CD9: variants seen among roughly 807,000 people sequenced by gnomAD.
The protein encoded by CD9 is CD9 molecule.
CD9 carries 10 observed loss-of-function variants against 31.4 expected under a neutral mutation model. The ratio of observed to expected loss-of-function variants is 0.32; its 90% CI spans 0.20 to 0.54. The LOEUF is 0.54. Ranked by LOEUF, CD9 falls within the 20% of genes least tolerant of loss-of-function variation. The pLI is 0.94. For missense variants in CD9, 259 were observed against 300.1 expected, an observed-to-expected ratio of 0.86 and a Z score of 1.01; for synonymous variants, 113 against 114.1, an observed-to-expected ratio of 0.99 and a Z score of 0.06.
chr12:6,200,801 G>A (rs1946066334), intron 1 of CD9: 2 of 440,380 alleles, frequency 4.5e-6, no homozygotes, highest in Non-Finnish European at 8.0e-6. Flanking sequence ...GCCGGCGTGG[G>A]GAGCCGGGCC....
chr12:6,236,098 C>T, intron 6 of CD9, 94 bp from the exon 7 acceptor site: 1 of 1,561,214 alleles, frequency 6.4e-7, no homozygotes. Flanking sequence ...CTCTGCCCAC[C>T]AGTTCTCCCG....
chr12:6,205,354 C>A (rs566338452), intron 1 of CD9, among the ~76,000 whole-genome samples: 1 of 152,208 alleles, frequency 6.6e-6, no homozygotes, highest in Non-Finnish European at 1.5e-5. Context: ...ACGTTCTCTA[C>A]CCCCTTCTTT....
At chr12:6,237,564 C>T (rs1001466786) in intron 7 of CD9, among the ~76,000 whole-genome samples, 199 bp from the exon 8 acceptor site, 4 of 152,216 alleles carry the variant, frequency 2.6e-5, no homozygotes, top group East Asian at 1.9e-4. Flanking sequence ...GCCAACCCCC[C>T]CAGATTCCTC....
chr12:6,234,971 T>C (rs1946495768), intron 4 of CD9, among the ~76,000 whole-genome samples: 1 of 152,160 alleles, frequency 6.6e-6, no homozygotes, highest in Non-Finnish European at 1.5e-5. Flanking sequence ...CAAGTAGAGC[T>C]GAAGGACTGA....
At chr12:6,211,824 A>G (rs1179132203) in intron 1 of CD9, among the ~76,000 whole-genome samples, 1 of 152,196 alleles carries the variant, frequency 6.6e-6, no homozygotes, top group Admixed American at 6.5e-5. Flanking sequence ...GGCAGTGGAA[A>G]CTTGAAATGG....
intron 1 of CD9, among the ~76,000 whole-genome samples, chr12:6,203,205 GC>G (rs1946095059): frequency 6.6e-6 from 1 of 152,108 alleles, no homozygotes; most frequent in South Asian, 2.1e-4. Context: ...AGGTGATGCG[GC>G]AGGGTGGTCT....
At chr12:6,225,980 G>A (rs1357874764) in intron 2 of CD9, among the ~76,000 whole-genome samples, 1 of 152,176 alleles carries the variant, frequency 6.6e-6, no homozygotes, top group East Asian at 1.9e-4. Flanking sequence ...CTCTGAGACT[G>A]GGAAAAACAT....
chr12:6,222,880 T>A (rs1478369430), intron 1 of CD9, among the ~76,000 whole-genome samples: 3 of 152,206 alleles, frequency 2.0e-5, no homozygotes, highest in Non-Finnish European at 4.4e-5. Context: ...TTGGCAGACC[T>A]GGGATTGTTT....
intron 2 of CD9, 173 bp downstream of exon 2, chr12:6,225,707 C>A (rs1024881806): frequency 2.2e-5 from 13 of 589,208 alleles, no homozygotes; most frequent in Non-Finnish European, 3.6e-5. Context: ...TGTCGTTGTG[C>A]CTGGGAATTT....
At chr12:6,220,068 A>C (rs1946278713) in intron 1 of CD9, among the ~76,000 whole-genome samples, 1 of 152,174 alleles carries the variant, frequency 6.6e-6, no homozygotes, top group Non-Finnish European at 1.5e-5. Flanking sequence ...CCCCAGATAG[A>C]GGAAGGGCAG....
intron 7 of CD9, chr12:6,236,675 A>T: frequency 2.4e-6 from 1 of 411,764 alleles, no homozygotes; most frequent in East Asian, 3.5e-5. Flanking sequence ...GCATCTGAAC[A>T]TGGGCAGCCA....
intron 1 of CD9, 125 bp downstream of exon 1, chr12:6,200,690 G>A (rs376222852): frequency 1.7e-6 from 1 of 600,512 alleles, no homozygotes; most frequent in Admixed American, 3.2e-5. Context: ...CGGGCGGGAA[G>A]AGAGAGCGCC....
rs1946458535 is a variant in CD9, at chr12:6,232,478, T to C, written c.176-154T>C. 1 of 661,018 alleles carries C rather than the reference T, an allele frequency of 1.5e-6. No individual in the cohort carries two copies. The highest frequency in any genetic ancestry group is 1.8e-5 in the African/African-American group (1 of 56,056). The allele number at this position is 661,018 out of a possible 1,614,324, so 40.9% of individuals were successfully genotyped here. A position where few individuals can be genotyped will look rare whatever the true frequency, so the allele number is the denominator to read the frequency against. ...CTGGGGCAGAGGTGGAAGAGGAGGC[T>C]GTATTTTAAGGAAAGGGAACTTCTT... On this transcript the variant is annotated intron_variant, in intron 2 of 7. Coordinates refer to ENST00000009180, the MANE Select transcript of CD9 (RefSeq NM_001769.4). The surrounding 1 kb of genome is among the most constrained non-coding windows in gnomAD (Gnocchi z 4.8).
Position 6,232,015 on chromosome 12 carries a change from CAGGTATTGGACCTTTGCCAAG to C in CD9, c.176-612_176-592del, listed in dbSNP as rs1946452301. On this transcript the variant is annotated intron_variant, in intron 2 of 7. Coordinates refer to ENST00000009180, the MANE Select transcript of CD9 (RefSeq NM_001769.4). This position sits in a 1 kb window ranked among gnomAD's most constrained non-coding sequence, Gnocchi z 4.8. ...AGATCTGTGTCCTTTGCACTAGAGT[CAGGTATTGGACCTTTGCCAAG>C]AGGTGCCTTTGGGTGTTCCTAACTG... Among the ~76,000 whole-genome samples the C allele has an allele frequency of 6.6e-6, 1 of 152,178 alleles. No individual in the cohort carries two copies. Among genetic ancestry groups the C allele is most frequent in the Non-Finnish European group, 1.5e-5 (1 of 68,026 alleles).
At chr12:6,221,675 CTAT>C (rs1424964679) in intron 1 of CD9, among the ~76,000 whole-genome samples, 1 of 151,850 alleles carries the variant, frequency 6.6e-6, no homozygotes, top group Non-Finnish European at 1.5e-5. Flanking sequence ...TTAGTTTCTC[CTAT>C]TATTAAAGTA....
At chr12:6,227,760 T>TGGAAGA (rs1482670230) in intron 2 of CD9, among the ~76,000 whole-genome samples, 5 of 152,176 alleles carry the variant, frequency 3.3e-5, no homozygotes, top group African/African-American at 1.2e-4. Context: ...TCTGTAGGAA[T>TGGAAGA]GGAAGAGGTC....
intron 1 of CD9, chr12:6,206,041 C>A (rs1484748322): frequency 6.6e-6 from 1 of 151,940 alleles, no homozygotes; most frequent in Non-Finnish European, 1.5e-5. Context: ...ACCCCATACA[C>A]ACAGAAGAGC....
chr12:6,205,260 C>T (rs1946118415), intron 1 of CD9, among the ~76,000 whole-genome samples: 1 of 152,200 alleles, frequency 6.6e-6, no homozygotes, highest in Non-Finnish European at 1.5e-5. Context: ...TTGATGGTCT[C>T]TCCCCTACAC....
Position 6,235,500 on chromosome 12 carries a change from G to A in CD9, c.472G>A (p.Gly158Ser), listed in dbSNP as rs187333643. The change falls in exon 6 of 8, where the codon GGC becomes AGC. Residue 158 changes from glycine (G) to serine (S), a missense_variant. Transcript: ENST00000009180. Reference sequence around the variant, plus strand: ...GTTGAACTGCTGTGGTTTGGCTGGGGGCGTGGAACAGTTTATCTCAGACAT... The same window carrying A: ...GTTGAACTGCTGTGGTTTGGCTGGGAGCGTGGAACAGTTTATCTCAGACAT... The part of the protein sequence containing the change: ...YALNCCGLAG[G>S]VEQFISDICP... The A allele has an allele frequency of 4.5e-5, 72 of 1,614,002 alleles. 2 individuals carry two copies. In the Admixed American group the frequency reaches 1.2e-3, roughly 26 times the overall value.
Sources: allele counts gnomAD v4.1 joint callset (sites outside exome capture counted in the v4.1 genomes callset), GRCh38; gene constraint gnomAD v4.1.1; non-coding constraint Gnocchi (gnomAD v3.1); transcripts MANE v1.5; gene names NCBI Gene and HGNC (gene_info 2026-07-23, HGNC 2026-07-21).